MICU3: variants seen among roughly 807,000 people sequenced by gnomAD.
MICU3 encodes the protein mitochondrial calcium uptake 3.
Under a neutral mutation model 66.5 loss-of-function variants are expected in MICU3, and 62 were observed. The ratio of observed to expected loss-of-function variants is 0.93; its 90% CI spans 0.76 to 1.15. The LOEUF (loss-of-function observed/expected upper bound fraction) is 1.15, where lower values mean the gene tolerates loss of function less well. Among genes scored for constraint, MICU3 ranks in the 50% most tolerant of loss-of-function variants. The pLI, the probability that MICU3 is intolerant of heterozygous loss-of-function variation, is 0.00. For missense variants in MICU3, 779 were observed against 664.4 expected (o/e 1.17, Z -1.90); for synonymous variants, 308 against 240.7 (o/e 1.28, Z -2.59).
At chr8:17,069,986 T>C (rs1197660585) in intron 3 of MICU3, among the ~76,000 whole-genome samples, 1 of 152,024 alleles carries the variant, frequency 6.6e-6, no homozygotes, top group African/African-American at 2.4e-5. Flanking sequence ...AATTTGGCAT[T>C]ATCTACTAAA....
chr8:17,096,666 A>G (rs1800731001), intron 8 of MICU3, among the ~76,000 whole-genome samples: 1 of 151,892 alleles, frequency 6.6e-6, no homozygotes, highest in African/African-American at 2.4e-5. Context: ...ATATCCTAGC[A>G]TTGTTTAATC....
intron 1 of MICU3, among the ~76,000 whole-genome samples, chr8:17,029,201 C>T (rs924871962): frequency 2.6e-5 from 4 of 152,154 alleles, no homozygotes; most frequent in Non-Finnish European, 4.4e-5. Flanking sequence ...TTTGGCTGAG[C>T]GTGGTGGCTC....
chr8:17,034,068 G>T (rs536690401), intron 1 of MICU3, among the ~76,000 whole-genome samples: 1 of 152,312 alleles, frequency 6.6e-6, no homozygotes, highest in Non-Finnish European at 1.5e-5. Flanking sequence ...TGGCCCTTTT[G>T]TTAGGGGCTA....
At chr8:17,064,990 A>G (rs1158238110) in intron 2 of MICU3, among the ~76,000 whole-genome samples, 1 of 152,160 alleles carries the variant, frequency 6.6e-6, no homozygotes, top group Non-Finnish European at 1.5e-5. Context: ...GCTTACCTGG[A>G]TGGATGGCAC....
intron 13 of MICU3, among the ~76,000 whole-genome samples, chr8:17,117,428 A>AT (rs907026472): frequency 3.3e-5 from 5 of 152,082 alleles, no homozygotes; most frequent in East Asian, 1.9e-4. Context: ...AAATTCAGTG[A>AT]TTTTTTTCCC....
At chr8:17,062,782 G>C (rs569499580) in intron 1 of MICU3, among the ~76,000 whole-genome samples, 14 of 152,094 alleles carry the variant, frequency 9.2e-5, no homozygotes, top group African/African-American at 3.1e-4. Flanking sequence ...AGGGAGGCTA[G>C]GCAGGAGAGT....
chr8:17,060,397 G>A (rs993212467), intron 1 of MICU3, among the ~76,000 whole-genome samples: 4 of 151,542 alleles, frequency 2.6e-5, no homozygotes, highest in African/African-American at 4.9e-5. Context: ...CCCGGGTTAC[G>A]AGTGATTTCA....
rs1803272668 is a variant in MICU3, at chr8:17,122,559, T to C, written c.*2272T>C. ...TTATTTAGCTTAAGTTCCAACTTAC[T>C]GTTCTTATTATAAATTGCAAAGCAA... On this transcript the variant is annotated 3_prime_UTR_variant, in exon 15 of 15. Coordinates refer to ENST00000318063, the MANE Select transcript of MICU3 (RefSeq NM_181723.3). 1 of 152,046 alleles carries C rather than the reference T, an allele frequency of 6.6e-6. No homozygotes were observed. Among genetic ancestry groups the C allele is most frequent in the African/African-American group, 2.4e-5 (1 of 41,464 alleles). The allele number at this position is 152,046 out of a possible 1,614,324, so 9.4% of individuals were successfully genotyped here.
intron 5 of MICU3, among the ~76,000 whole-genome samples, chr8:17,082,706 C>T (rs1224023786): frequency 6.6e-6 from 1 of 152,048 alleles, no homozygotes; most frequent in Non-Finnish European, 1.5e-5. Flanking sequence ...TGTGGAGATG[C>T]ATGGAAACAA....
chr8:17,108,596 T>C (rs528083969), intron 11 of MICU3, among the ~76,000 whole-genome samples: 9 of 152,250 alleles, frequency 5.9e-5, no homozygotes, highest in African/African-American at 1.9e-4. Context: ...AGAAATCCTA[T>C]TGATACTACC....
chr8:17,041,423 C>G (rs1197879189), intron 1 of MICU3, among the ~76,000 whole-genome samples: 1 of 152,110 alleles, frequency 6.6e-6, no homozygotes, highest in East Asian at 1.9e-4. Context: ...ACAAGGAAGT[C>G]ATGGGTGATT....
chr8:17,051,440 A>T (rs1455142611), intron 1 of MICU3, among the ~76,000 whole-genome samples: 1 of 152,146 alleles, frequency 6.6e-6, no homozygotes, highest in East Asian at 1.9e-4. Flanking sequence ...CAAATTTTGT[A>T]TTTCTCAGCA....
At chr8:17,107,979 G>C (rs1230974638) in intron 11 of MICU3, among the ~76,000 whole-genome samples, 3 of 152,184 alleles carry the variant, frequency 2.0e-5, no homozygotes, top group Admixed American at 6.5e-5. Flanking sequence ...CAATAGATAA[G>C]CATGGCTTGG....
intron 1 of MICU3, among the ~76,000 whole-genome samples, chr8:17,029,334 G>C (rs1207898065): frequency 6.6e-6 from 1 of 152,160 alleles, no homozygotes; most frequent in Non-Finnish European, 1.5e-5. Flanking sequence ...AAATCAGCCG[G>C]GTGTGGTGTT....
At chr8:17,068,655 A>G (rs1819079512) in intron 2 of MICU3, among the ~76,000 whole-genome samples, 1 of 152,336 alleles carries the variant, frequency 6.6e-6, no homozygotes, top group East Asian at 1.9e-4. Flanking sequence ...TTGTTGCTAC[A>G]TAAAGAAGAA....
At chr8:17,041,766 G>T (rs55768071) in intron 1 of MICU3, among the ~76,000 whole-genome samples, 6,085 of 152,238 alleles carry the variant, frequency 0.04, 448 homozygotes, top group African/African-American at 0.14. Flanking sequence ...GAGGGATGCT[G>T]TTTCCATTAT....
At chr8:17,048,444 A>G (rs1321232672) in intron 1 of MICU3, among the ~76,000 whole-genome samples, 1 of 152,194 alleles carries the variant, frequency 6.6e-6, no homozygotes, top group African/African-American at 2.4e-5. Context: ...TTTATATAAA[A>G]CCATCAGATC....
chr8:17,059,787 A>T (rs1441330529), intron 1 of MICU3, among the ~76,000 whole-genome samples: 1 of 152,204 alleles, frequency 6.6e-6, no homozygotes, highest in African/African-American at 2.4e-5. Context: ...CTACCAAAAA[A>T]AATTTAAAAT....
At position 17,122,328 on chromosome 8, in the gene MICU3, G is replaced by T. The variant is rs1023676663; in HGVS notation, c.*2041G>T. ...AGAGATAAAAATATCTCACTGAATTGTTACTTATATCAATTTAAAATTTGC... is the reference window on the plus strand; with the variant it reads ...AGAGATAAAAATATCTCACTGAATTTTTACTTATATCAATTTAAAATTTGC... On this transcript the variant is annotated 3_prime_UTR_variant, in exon 15 of 15. Transcript: ENST00000318063. The T allele has an allele frequency of 6.6e-6, 1 of 151,746 alleles. No homozygotes were observed. The highest frequency in any genetic ancestry group is 1.5e-5 in the Non-Finnish European group (1 of 67,736). The allele number at this position is 151,746 out of a possible 1,614,324, so 9.4% of individuals were successfully genotyped here.
Sources: allele counts gnomAD v4.1 joint callset (sites outside exome capture counted in the v4.1 genomes callset), GRCh38; gene constraint gnomAD v4.1.1; transcripts MANE v1.5; gene names NCBI Gene and HGNC (gene_info 2026-07-23, HGNC 2026-07-21).